Variants in RIT1 observed in about 807,000 individuals in gnomAD.
The protein encoded by RIT1 is Ras like without CAAX 1.
Under a neutral mutation model 25.6 loss-of-function variants are expected in RIT1, and 6 were observed. The observed-to-expected ratio is 0.23, with a 90% CI of 0.13 to 0.46. The LOEUF (loss-of-function observed/expected upper bound fraction) is 0.46, where lower values mean the gene tolerates loss of function less well. Ranked by LOEUF, RIT1 falls within the 20% of genes least tolerant of loss-of-function variation. The pLI, the probability that RIT1 is intolerant of heterozygous loss-of-function variation, is 0.99. For synonymous variants in RIT1, 81 were observed against 94.1 expected (o/e 0.86, Z 0.80); for missense variants, 219 against 284.4 (o/e 0.77, Z 1.65).
At chr1:155,905,524 A>G (rs994363930) in intron 3 of RIT1, among the ~76,000 whole-genome samples, 2 of 152,026 alleles carry the variant, frequency 1.3e-5, no homozygotes, top group African/African-American at 4.8e-5. Context: ...TAGGGGAAAA[A>G]AAAAATTAGG....
chr1:155,910,320 C>A lies in RIT1; in HGVS notation c.163+130G>T, dbSNP rs754366868. On this transcript the variant is annotated intron_variant, in intron 3 of 5. Coordinates refer to ENST00000368323, the MANE Select transcript of RIT1 (RefSeq NM_006912.6). ...TTCAGTTGCTTACCAACTGCTGATA[C>A]CCTTGTTTCTAAATAAATCTGAATT... 2.6e-4 allele frequency: 191 copies of A among 742,466 alleles called. No individual in the cohort carries two copies. Among genetic ancestry groups the A allele is most frequent in the Middle Eastern group, 4.8e-4 (2 of 4,174 alleles). The allele number at this position is 742,466 out of a possible 1,614,324, so 46.0% of individuals were successfully genotyped here.
intron 5 of RIT1, among the ~76,000 whole-genome samples, chr1:155,903,883 G>A (rs1012572117): frequency 1.3e-5 from 2 of 152,166 alleles, no homozygotes; most frequent in African/African-American, 4.8e-5. Context: ...GGTGGCACAC[G>A]CCTGTGGTCC....
At chr1:155,902,891 G>A (rs1313158325) in intron 5 of RIT1, among the ~76,000 whole-genome samples, 2 of 151,906 alleles carry the variant, frequency 1.3e-5, no homozygotes, top group East Asian at 1.9e-4. Context: ...AGCTGGGCGC[G>A]GTGGCTCACG....
chr1:155,911,175 C>A, intron 1 of RIT1, 68 bp downstream of exon 1: 1 of 500,698 alleles, frequency 2.0e-6, no homozygotes, highest in Non-Finnish European at 3.6e-6. Flanking sequence ...CGCCCCCTCC[C>A]CATTCTCCTC....
chr1:155,904,414 T>C lies in RIT1; in HGVS notation c.326A>G (p.His109Arg), dbSNP rs1407666045. ...CYSITDRRSFHEVREFKQLIY... is the reference protein window; with the variant it reads ...CYSITDRRSFREVREFKQLIY... ...AAGCTGTTTAAACTCACGAACTTCA[T>C]GGAAACTTCGACGATCCGTGATAGA... The change falls in exon 5 of 6, where the codon CAT becomes CGT. Residue 109 changes from histidine to arginine, a missense_variant. Coordinates refer to ENST00000368323, the MANE Select transcript of RIT1 (RefSeq NM_006912.6). The C allele has an allele frequency of 5.0e-6, 8 of 1,613,890 alleles. No homozygotes were observed. Among genetic ancestry groups the C allele is most frequent in the African/African-American group, 4.0e-5 (3 of 74,930 alleles).
Position 155,898,973 on chromosome 1 carries a change from A to C in RIT1, c.*1415T>G. On this transcript the variant is annotated 3_prime_UTR_variant, in exon 6 of 6. Coordinates refer to ENST00000368323, the MANE Select transcript of RIT1 (RefSeq NM_006912.6). ...CTGTGTGCTTATAAAGAGGTGCTAC[A>C]CAAGTCATCTTACGTTTCTAGTCAA... The C allele has an allele frequency of 4.7e-6, 1 of 213,400 alleles. No homozygotes were observed. Among genetic ancestry groups the C allele is most frequent in the Non-Finnish European group, 9.5e-6 (1 of 105,462 alleles). 13.2% of individuals were successfully genotyped at this position (213,400 alleles called of 1,614,324 possible). A position where few individuals can be genotyped will look rare whatever the true frequency, so the allele number is the denominator to read the frequency against.
intron 3 of RIT1, 171 bp downstream of exon 3, chr1:155,910,279 G>GA (rs987288683): frequency 1.1e-3 from 669 of 594,312 alleles, no homozygotes; most frequent in Middle Eastern, 1.9e-3. Flanking sequence ...CATAAAGTCT[G>GA]AAAAAAAAAG....
At chr1:155,903,184 T>C (rs1461223226) in intron 5 of RIT1, among the ~76,000 whole-genome samples, 3 of 151,936 alleles carry the variant, frequency 2.0e-5, no homozygotes, top group African/African-American at 7.3e-5. Flanking sequence ...TAGTCCCAGC[T>C]ACTCGGGAGG....
At chr1:155,901,003 C>T (rs143997364) in intron 5 of RIT1, among the ~76,000 whole-genome samples, 1,945 of 152,114 alleles carry the variant, frequency 0.013, 49 homozygotes, top group African/African-American at 0.044. Flanking sequence ...TTAGTAGAGA[C>T]GGGGTTTCTC....
At position 155,897,935 on chromosome 1, in the gene RIT1, A is replaced by T. The variant is rs1257145514; in HGVS notation, c.*2453T>A. On this transcript the variant is annotated 3_prime_UTR_variant, in exon 6 of 6. Transcript: ENST00000368323. ...ATTCTTGCTAATATATGACAAAGTTAAAACATATGTCCCCTCTGAATTCTA... is the reference window on the plus strand; with the variant it reads ...ATTCTTGCTAATATATGACAAAGTTTAAACATATGTCCCCTCTGAATTCTA... 1.3e-5 allele frequency: 2 copies of T among 152,298 alleles called. No homozygotes were observed. Among genetic ancestry groups the T allele is most frequent in the African/African-American group, 4.8e-5 (2 of 41,462 alleles). 9.4% of individuals were successfully genotyped at this position (152,298 alleles called of 1,614,324 possible).
intron 1 of RIT1, 50 bp from the exon 2 acceptor site, chr1:155,910,854 A>T (rs1037439490): frequency 2.5e-6 from 4 of 1,598,764 alleles, no homozygotes; most frequent in Non-Finnish European, 3.4e-6. Flanking sequence ...CACCACGGCG[A>T]CAGCCCTCAA....
At chr1:155,909,939 A>AAG (rs1673553738) in intron 3 of RIT1, among the ~76,000 whole-genome samples, 1 of 150,028 alleles carries the variant, frequency 6.7e-6, no homozygotes, top group African/African-American at 2.4e-5. Context: ...AAAAAAAAAC[A>AAG]ACAGACAGAC....
chr1:155,909,877 G>A (rs1571998736), intron 3 of RIT1, among the ~76,000 whole-genome samples: 2 of 132,616 alleles, frequency 1.5e-5, no homozygotes, highest in Non-Finnish European at 1.5e-5. Context: ...ACCGGAGATC[G>A]CACCATTGCC....
rs1407612335 is a variant in RIT1 at position 155,900,368 on chromosome 1, A to G, written c.*20T>C. Reference sequence around the variant, plus strand: ...TGATACAGCACTGCAGTTCACAGATAAACACTTCACATCTTCTCTTCAAGT... The same window carrying G: ...TGATACAGCACTGCAGTTCACAGATGAACACTTCACATCTTCTCTTCAAGT... On this transcript the variant is annotated 3_prime_UTR_variant, in exon 6 of 6. Transcript: ENST00000368323. 3 of 1,578,872 alleles carry G rather than the reference A, an allele frequency of 1.9e-6. No individual in the cohort carries two copies. The highest frequency in any genetic ancestry group is 2.7e-5 in the African/African-American group (2 of 74,164).
Position 155,900,360 on chromosome 1 carries a change from T to C in RIT1, c.*28A>G, listed in dbSNP as rs1018020929. ...GACTGCTTTGATACAGCACTGCAGT[T>C]CACAGATAAACACTTCACATCTTCT... On this transcript the variant is annotated 3_prime_UTR_variant, in exon 6 of 6. Transcript: ENST00000368323. The C allele has an allele frequency of 2.6e-6, 4 of 1,555,216 alleles. No individual in the cohort carries two copies. The highest frequency in any genetic ancestry group is 3.5e-6 in the Non-Finnish European group (4 of 1,127,582).
At chr1:155,904,667 G>C (rs779869951) in intron 4 of RIT1, 64 bp downstream of exon 4, 5 of 1,302,650 alleles carry the variant, frequency 3.8e-6, no homozygotes, top group Non-Finnish European at 5.6e-6. Flanking sequence ...TCTCTGTGTA[G>C]GCCTTCCCCT....
chr1:155,910,205 ATAC>A, intron 3 of RIT1: 1 of 499,764 alleles, frequency 2.0e-6, no homozygotes, highest in South Asian at 2.4e-5. Context: ...CCATAAAAAA[ATAC>A]AACAAAGAGA....
At chr1:155,907,202 G>A (rs1397491577) in intron 3 of RIT1, among the ~76,000 whole-genome samples, 3 of 150,690 alleles carry the variant, frequency 2.0e-5, no homozygotes, top group African/African-American at 7.3e-5. Flanking sequence ...ATGCGCTTGT[G>A]TATATAATTT....
intron 5 of RIT1, among the ~76,000 whole-genome samples, chr1:155,903,628 G>A (rs1042791073): frequency 6.6e-6 from 1 of 151,934 alleles, no homozygotes; most frequent in African/African-American, 2.4e-5. Flanking sequence ...ACCATAAATA[G>A]TCTTGCAATG....
Sources: allele counts gnomAD v4.1 joint callset (sites outside exome capture counted in the v4.1 genomes callset), GRCh38; gene constraint gnomAD v4.1.1; transcripts MANE v1.5; gene names NCBI Gene and HGNC (gene_info 2026-07-23, HGNC 2026-07-21).